NCALD: variants seen among roughly 807,000 people sequenced by gnomAD.
NCALD encodes the protein neurocalcin delta.
NCALD carries 10 observed loss-of-function variants against 18.6 expected under a neutral mutation model. That is an observed-to-expected ratio of 0.54 (90% CI 0.33 to 0.91). NCALD has a LOEUF of 0.91. Ranked by LOEUF, NCALD falls within the 40% of genes least tolerant of loss-of-function variation. NCALD has a pLI of 0.03. For missense variants in NCALD, 184 were observed against 247.6 expected, an observed-to-expected ratio of 0.74 and a Z score of 1.72; for synonymous variants, 88 against 87.4, an observed-to-expected ratio of 1.01 and a Z score of -0.04.
At chr8:101,764,234 G>C (rs556972324) in intron 1 of NCALD, among the ~76,000 whole-genome samples, 75 of 152,266 alleles carry the variant, frequency 4.9e-4, no homozygotes, top group African/African-American at 1.7e-3. Context: ...TGATAGGAAA[G>C]AGGAACAATT....
At chr8:101,737,701 T>A (rs1809988420) in intron 1 of NCALD, among the ~76,000 whole-genome samples, 1 of 152,146 alleles carries the variant, frequency 6.6e-6, no homozygotes, top group African/African-American at 2.4e-5. Context: ...CTCCTTGGAG[T>A]CTTCCTTGGT....
chr8:101,707,587 A>G (rs1367148513), intron 2 of NCALD, among the ~76,000 whole-genome samples: 2 of 152,222 alleles, frequency 1.3e-5, no homozygotes, highest in Non-Finnish European at 2.9e-5. Context: ...GCCTTCCTTC[A>G]GGTTTCACTC....
intron 1 of NCALD, among the ~76,000 whole-genome samples, chr8:102,081,834 A>G (rs1320043582): frequency 6.6e-6 from 1 of 152,206 alleles, no homozygotes; most frequent in African/African-American, 2.4e-5. Flanking sequence ...TACCAACACA[A>G]GCCTAAGGGA....
At chr8:101,696,405 G>T (rs766254497) in intron 2 of NCALD, among the ~76,000 whole-genome samples, 34 of 152,104 alleles carry the variant, frequency 2.2e-4, no homozygotes, top group Non-Finnish European at 4.7e-4. Context: ...GTTAGGTTTT[G>T]CCAGGAGGGT....
chr8:102,079,509 T>C (rs565728592), intron 1 of NCALD, among the ~76,000 whole-genome samples: 1 of 152,054 alleles, frequency 6.6e-6, no homozygotes, highest in South Asian at 2.1e-4. Context: ...TCTCTATACA[T>C]GGAATCCACT....
At chr8:101,712,798 A>C (rs1427534009) in intron 2 of NCALD, among the ~76,000 whole-genome samples, 1 of 152,160 alleles carries the variant, frequency 6.6e-6, no homozygotes, top group Non-Finnish European at 1.5e-5. Context: ...AGAGACCTAC[A>C]AAGAGACTTA....
intron 1 of NCALD, among the ~76,000 whole-genome samples, chr8:101,732,292 A>G (rs1300434660): frequency 6.6e-6 from 1 of 152,222 alleles, no homozygotes; most frequent in Admixed American, 6.5e-5. Flanking sequence ...AAATAAATCC[A>G]TCATGGTGAT....
intron 1 of NCALD, among the ~76,000 whole-genome samples, chr8:101,755,962 G>C (rs1281419221): frequency 6.6e-6 from 1 of 152,132 alleles, no homozygotes; most frequent in African/African-American, 2.4e-5. Context: ...TCAAGTTCTG[G>C]AATCATGACT....
At chr8:101,861,596 T>TAC (rs1313561475) in intron 4 of NCALD, among the ~76,000 whole-genome samples, 6 of 151,796 alleles carry the variant, frequency 4.0e-5, no homozygotes, top group Non-Finnish European at 7.4e-5. Flanking sequence ...ACAAGTGCCC[T>TAC]ACCTCAAGAA....
intron 2 of NCALD, among the ~76,000 whole-genome samples, chr8:101,928,931 G>A (rs184928671): frequency 8.5e-5 from 13 of 152,128 alleles, no homozygotes; most frequent in Non-Finnish European, 1.2e-4. Flanking sequence ...AAAGGGAGGC[G>A]TGCAGGGTGT....
intron 2 of NCALD, among the ~76,000 whole-genome samples, chr8:101,935,628 C>G (rs1370369361): frequency 6.6e-6 from 1 of 151,970 alleles, no homozygotes; most frequent in Non-Finnish European, 1.5e-5. Context: ...GGGGCCTTGA[C>G]AAAGTCTTTG....
chr8:102,078,799 C>T (rs566191202), intron 1 of NCALD, among the ~76,000 whole-genome samples: 1 of 152,304 alleles, frequency 6.6e-6, no homozygotes, highest in South Asian at 2.1e-4. Context: ...TTTTATTTTG[C>T]ATTCACTCAT....
chr8:101,764,967 A>G (rs1409164186), intron 1 of NCALD, among the ~76,000 whole-genome samples: 1 of 152,180 alleles, frequency 6.6e-6, no homozygotes, highest in African/African-American at 2.4e-5. Context: ...CTAATCATAG[A>G]GCCTGCCTCC....
At chr8:101,851,717 C>T (rs955866164) in intron 4 of NCALD, among the ~76,000 whole-genome samples, 3 of 152,112 alleles carry the variant, frequency 2.0e-5, no homozygotes, top group African/African-American at 7.2e-5. Context: ...TTTGGGTTAG[C>T]ATTGATCACA....
intron 2 of NCALD, among the ~76,000 whole-genome samples, chr8:101,694,702 T>C (rs566825057): frequency 7.3e-4 from 111 of 152,182 alleles, no homozygotes; most frequent in African/African-American, 2.6e-3. Context: ...AGGGGAGCCA[T>C]CGTCTGCCCT....
At chr8:101,799,564 T>G (rs1812762662) in intron 4 of NCALD, among the ~76,000 whole-genome samples, 1 of 152,076 alleles carries the variant, frequency 6.6e-6, no homozygotes, top group South Asian at 2.1e-4. Flanking sequence ...CTGTACTATA[T>G]CCACACAATG....
intron 4 of NCALD, among the ~76,000 whole-genome samples, chr8:101,816,407 C>T (rs1473932961): frequency 6.6e-6 from 1 of 152,152 alleles, no homozygotes; most frequent in Non-Finnish European, 1.5e-5. Context: ...AAAGTCATGG[C>T]TGGAAGAATT....
At chr8:101,893,266 C>G (rs1816991020) in intron 3 of NCALD, among the ~76,000 whole-genome samples, 1 of 151,300 alleles carries the variant, frequency 6.6e-6, no homozygotes, top group Non-Finnish European at 1.5e-5. Context: ...CCAAACTAAG[C>G]TTCATAAGTG....
rs572335569 is a variant in NCALD at position 101,896,600 on chromosome 8, T to G, written c.-106-9373A>C. ...GGCAACCTACAAAATGGGAGAAAAT[T>G]TTTGCAACCTACTCACCTGACAAAG... On this transcript the variant is annotated intron_variant, in intron 3 of 6. Coordinates refer to the NCALD transcript ENST00000311028. Among the ~76,000 whole-genome samples, 23 of 151,912 alleles carry G rather than the reference T, an allele frequency of 1.5e-4. No homozygotes were observed. The South Asian group carries it at 4.8e-3, about 32-fold the overall frequency.
Sources: gnomAD v4.1 joint callset for allele counts (sites outside exome capture counted in the v4.1 genomes callset) on GRCh38, gnomAD v4.1.1 for gene constraint, MANE v1.5 for transcripts, NCBI Gene and HGNC (gene_info 2026-07-23, HGNC 2026-07-21) for gene names.